MKLN1: variants seen among roughly 807,000 people sequenced by gnomAD.
MKLN1 encodes the protein muskelin.
MKLN1 carries 18 observed loss-of-function variants against 99.0 expected under a neutral mutation model. That is an observed-to-expected ratio of 0.18 (90% CI 0.13 to 0.27). The LOEUF (loss-of-function observed/expected upper bound fraction) is 0.27, where lower values mean the gene tolerates loss of function less well. Ranked by LOEUF, MKLN1 falls within the 10% of genes least tolerant of loss-of-function variation. The probability of loss-of-function intolerance (pLI) is 1.00; values close to 1 mark genes in which losing one functional copy is unlikely to be tolerated. For synonymous variants in MKLN1, 288 were observed against 293.2 expected (o/e 0.98, Z 0.18); for missense variants, 621 against 875.9 (o/e 0.71, Z 3.67).
At chr7:131,349,385 C>G (rs747204504) in intron 1 of MKLN1, among the ~76,000 whole-genome samples, 1 of 151,996 alleles carries the variant, frequency 6.6e-6, no homozygotes, top group East Asian at 1.9e-4. Flanking sequence ...TTAGTAGAGA[C>G]GGGGTTTCAC....
intron 5 of MKLN1, among the ~76,000 whole-genome samples, chr7:131,397,716 G>T (rs963493715): frequency 1.3e-5 from 2 of 152,036 alleles, no homozygotes; most frequent in Non-Finnish European, 2.9e-5. Flanking sequence ...CTGCTTTTAT[G>T]TTATTATACC....
chr7:131,449,646 T>C (rs2116540518), intron 12 of MKLN1, among the ~76,000 whole-genome samples: 1 of 151,574 alleles, frequency 6.6e-6, no homozygotes, highest in East Asian at 1.9e-4. Flanking sequence ...TTCTCTTTTT[T>C]TCTGTTTTTT....
chr7:131,327,859 C>T, upstream of MKLN1: 3 of 1,603,440 alleles, frequency 1.9e-6, no homozygotes, highest in Non-Finnish European at 2.5e-6. Context: ...TCCTCCCGTT[C>T]GCTGCCAGCG....
intron 10 of MKLN1, among the ~76,000 whole-genome samples, chr7:131,439,458 G>C (rs995128011): frequency 3.3e-5 from 5 of 152,128 alleles, no homozygotes; most frequent in African/African-American, 1.2e-4. Flanking sequence ...GCAGAACACT[G>C]GGGGTGAAGA....
At chr7:131,147,150 C>A (rs1795825880) in intron 2 of MKLN1, among the ~76,000 whole-genome samples, 1 of 151,768 alleles carries the variant, frequency 6.6e-6, no homozygotes, top group Non-Finnish European at 1.5e-5. Context: ...CTCCTGGGTT[C>A]AAGCGATTCT....
intron 2 of MKLN1, among the ~76,000 whole-genome samples, chr7:131,386,891 G>A (rs1448409518): frequency 6.6e-6 from 1 of 152,134 alleles, no homozygotes; most frequent in East Asian, 1.9e-4. Context: ...TTCACCTACA[G>A]TGTTGGGGAT....
intron 1 of MKLN1, among the ~76,000 whole-genome samples, chr7:131,330,629 G>A (rs77502594): frequency 0.016 from 2,445 of 152,128 alleles, 45 homozygotes; most frequent in African/African-American, 0.053. Context: ...CTGCACAAAG[G>A]TATATATAGT....
intron 8 of MKLN1, among the ~76,000 whole-genome samples, chr7:131,422,648 T>G (rs1795240247): frequency 6.6e-6 from 1 of 152,202 alleles, no homozygotes; most frequent in South Asian, 2.1e-4. Context: ...TTAAAGCAAT[T>G]GTTGCTTCCC....
chr7:131,341,861 C>G (rs1307888360), intron 1 of MKLN1, among the ~76,000 whole-genome samples: 1 of 152,204 alleles, frequency 6.6e-6, no homozygotes, highest in Non-Finnish European at 1.5e-5. Flanking sequence ...GGAGGCAGAG[C>G]TCAGGCAGTA....
At chr7:131,464,041 C>T (rs1261551182) in intron 13 of MKLN1, among the ~76,000 whole-genome samples, 1 of 152,126 alleles carries the variant, frequency 6.6e-6, no homozygotes, top group Non-Finnish European at 1.5e-5. Context: ...TTAGTTTGAG[C>T]TTTCATGTAT....
At chr7:131,137,987 G>T (rs1262884034) in intron 1 of MKLN1, among the ~76,000 whole-genome samples, 2 of 146,016 alleles carry the variant, frequency 1.4e-5, no homozygotes, top group African/African-American at 5.1e-5. Context: ...GTGCAATGGC[G>T]TGATCTCGGC....
intron 1 of MKLN1, among the ~76,000 whole-genome samples, chr7:131,370,253 T>G (rs974111640): frequency 2.0e-5 from 3 of 152,202 alleles, no homozygotes; most frequent in Admixed American, 2.0e-4. Context: ...ATATCACCTT[T>G]ATCTGATACT....
intron 6 of MKLN1, among the ~76,000 whole-genome samples, chr7:131,402,429 T>A (rs1038483411): frequency 6.6e-6 from 1 of 152,226 alleles, no homozygotes; most frequent in Non-Finnish European, 1.5e-5. Context: ...CCATGAGCAT[T>A]GGAATCAACT....
intron 3 of MKLN1, chr7:131,310,104 G>A (rs4731793): frequency 0.56 from 84,747 of 151,966 alleles, 24,223 homozygotes; most frequent in Admixed American, 0.65. Flanking sequence ...AACATAAGCT[G>A]TTGATTGGCT....
intron 3 of MKLN1, among the ~76,000 whole-genome samples, chr7:131,320,290 C>T (rs1329936898): frequency 6.6e-6 from 1 of 152,178 alleles, no homozygotes; most frequent in Non-Finnish European, 1.5e-5. Flanking sequence ...CTACAACCAT[C>T]TGATCTTTGA....
intron 3 of MKLN1, among the ~76,000 whole-genome samples, chr7:131,215,725 T>G (rs181549832): frequency 6.6e-6 from 1 of 152,372 alleles, no homozygotes; most frequent in African/African-American, 2.4e-5. Context: ...GTTTGTCTTT[T>G]CTTTTTCTCT....
intron 12 of MKLN1, among the ~76,000 whole-genome samples, chr7:131,451,341 G>A (rs1796171288): frequency 6.6e-6 from 1 of 151,998 alleles, no homozygotes; most frequent in African/African-American, 2.4e-5. Context: ...ATTCAGTAAT[G>A]TGGCTTATTT....
At chr7:131,211,556 C>G (rs983641654) in intron 3 of MKLN1, among the ~76,000 whole-genome samples, 1 of 151,550 alleles carries the variant, frequency 6.6e-6, no homozygotes, top group Non-Finnish European at 1.5e-5. Flanking sequence ...TTTGCCCCTA[C>G]GCTTTTCACT....
intron 3 of MKLN1, among the ~76,000 whole-genome samples, chr7:131,216,905 C>G (rs187901402): frequency 4.6e-5 from 7 of 152,184 alleles, no homozygotes; most frequent in African/African-American, 7.2e-5. Context: ...TGGGCCCATA[C>G]CTGGCTTTAT....
Sources: gnomAD v4.1 joint callset for allele counts (sites outside exome capture counted in the v4.1 genomes callset) on GRCh38, gnomAD v4.1.1 for gene constraint, MANE v1.5 for transcripts, NCBI Gene and HGNC (gene_info 2026-07-23, HGNC 2026-07-21) for gene names.